The following APBB1IP variants were observed in gnomAD, a reference collection of about 807,000 sequenced individuals.
APBB1IP encodes amyloid beta precursor protein binding family B member 1 interacting protein.
Under a neutral mutation model 64.9 loss-of-function variants are expected in APBB1IP, and 27 were observed. That is an observed-to-expected ratio of 0.42 (90% CI 0.31 to 0.57). APBB1IP has a LOEUF of 0.57. Among genes scored for constraint, APBB1IP ranks in the 20% least tolerant of loss-of-function variants. The pLI is 0.20. For synonymous variants in APBB1IP, 392 were observed against 331.0 expected (o/e 1.18, Z -2.00); for missense variants, 812 against 845.5 (o/e 0.96, Z 0.49).
chr10:26,540,852 C>T (rs1836688277), intron 10 of APBB1IP, among the ~76,000 whole-genome samples: 1 of 152,028 alleles, frequency 6.6e-6, no homozygotes, highest in Non-Finnish European at 1.5e-5. Context: ...GAAAGAAATC[C>T]TTTTTCTCAG....
intron 8 of APBB1IP, among the ~76,000 whole-genome samples, chr10:26,525,830 G>T (rs1013084715): frequency 6.6e-6 from 1 of 152,162 alleles, no homozygotes; most frequent in Non-Finnish European, 1.5e-5. Context: ...TGTGATTGCA[G>T]GACAAAACTG....
At chr10:26,474,427 G>T (rs778767169) in intron 2 of APBB1IP, among the ~76,000 whole-genome samples, 13 of 152,176 alleles carry the variant, frequency 8.5e-5, no homozygotes, top group East Asian at 1.9e-4. Context: ...CTAAGTAAAA[G>T]AATTTTACTA....
rs184710415 is a variant in APBB1IP, at chr10:26,558,768, C to T, written c.1156-1337C>T. On this transcript the variant is annotated intron_variant, in intron 11 of 14. Transcript: ENST00000376236. ...CTCCAACCTGGGCAACAGAGTGAGA[C>T]CCTGTCTTAAAAAATAATAAAAATT... Among the ~76,000 whole-genome samples the T allele has an allele frequency of 2.1e-3, 312 of 152,170 alleles. 4 individuals are homozygous for T. The highest frequency in any genetic ancestry group is 3.7e-3 in the Admixed American group (56 of 15,284).
intron 6 of APBB1IP, among the ~76,000 whole-genome samples, chr10:26,510,317 A>G (rs1836236508): frequency 6.6e-6 from 1 of 152,176 alleles, no homozygotes. Flanking sequence ...AAAGTCAAGG[A>G]TATTGTGTTT....
chr10:26,561,017 C>CT (rs1307739729), intron 13 of APBB1IP, among the ~76,000 whole-genome samples, 173 bp downstream of exon 13: 1 of 151,328 alleles, frequency 6.6e-6, no homozygotes, highest in Non-Finnish European at 1.5e-5. Context: ...ACACACACCC[C>CT]TATAACATCT....
chr10:26,566,642 T>G lies in APBB1IP; in HGVS notation c.1474-319T>G, dbSNP rs72481170. ...TTATTCCAGAACAAAGATGAGCTCA[T>G]GACCGACCAGGAGTCTCAGTGACTG... On this transcript the variant is annotated intron_variant, in intron 14 of 14. Transcript: ENST00000376236. Among the ~76,000 whole-genome samples the G allele has an allele frequency of 1.6e-4, 24 of 152,242 alleles. No individual in the cohort carries two copies. In the East Asian group the frequency reaches 4.6e-3, roughly 29 times the overall value.
chr10:26,465,916 C>T (rs578226534), intron 2 of APBB1IP, among the ~76,000 whole-genome samples: 1 of 152,318 alleles, frequency 6.6e-6, no homozygotes, highest in Admixed American at 6.5e-5. Flanking sequence ...TCAATTTCTG[C>T]TCAACGAACC....
intron 14 of APBB1IP, among the ~76,000 whole-genome samples, chr10:26,565,977 T>C (rs1020087772): frequency 6.6e-6 from 1 of 152,212 alleles, no homozygotes; most frequent in Non-Finnish European, 1.5e-5. Context: ...CCAGAGTTAG[T>C]TTTTAAAACT....
At chr10:26,503,425 G>GGAGATC (rs1836131136) in intron 6 of APBB1IP, 151 bp downstream of exon 6, 3 of 662,942 alleles carry the variant, frequency 4.5e-6, no homozygotes, top group East Asian at 6.3e-5. Flanking sequence ...CATGAGGTCA[G>GGAGATC]GAGATCGAGA....
intron 2 of APBB1IP, among the ~76,000 whole-genome samples, chr10:26,469,938 C>A (rs703003): frequency 0.2 from 30,098 of 152,004 alleles, 3,844 homozygotes; most frequent in East Asian, 0.49. Context: ...TTTATTTCAA[C>A]TCATGATCTC....
chr10:26,480,603 G>A (rs1465698175), intron 2 of APBB1IP, among the ~76,000 whole-genome samples: 1 of 149,094 alleles, frequency 6.7e-6, no homozygotes, highest in Non-Finnish European at 1.5e-5. Context: ...TTTAATATTG[G>A]AATGGTTGAG....
chr10:26,470,976 A>G (rs1311903964), intron 2 of APBB1IP, among the ~76,000 whole-genome samples: 1 of 152,206 alleles, frequency 6.6e-6, no homozygotes, highest in Non-Finnish European at 1.5e-5. Flanking sequence ...AGCAACACTT[A>G]CTGAACTTTC....
At chr10:26,529,119 G>C (rs1353530090) in intron 8 of APBB1IP, among the ~76,000 whole-genome samples, 2 of 152,224 alleles carry the variant, frequency 1.3e-5, no homozygotes, top group Non-Finnish European at 2.9e-5. Context: ...TGAGAAAAGA[G>C]AGCAAGCTAT....
At position 26,533,307 on chromosome 10, in the gene APBB1IP, G is replaced by A. The variant is rs140645575; in HGVS notation, c.814-132G>A. 8.2e-5 allele frequency: 39 copies of A among 477,478 alleles called. No individual in the cohort carries two copies. The East Asian group carries it at 1.3e-3, about 16-fold the overall frequency. 29.6% of individuals were successfully genotyped at this position (477,478 alleles called of 1,614,324 possible). A position where few individuals can be genotyped will look rare whatever the true frequency, so the allele number is the denominator to read the frequency against. ...TTTGGGAAGGCTCTGATGGTTGACT[G>A]ATATCATATGCTCTGGTTCCCTGTT... On this transcript the variant is annotated intron_variant, in intron 8 of 14. Transcript: ENST00000376236.
At chr10:26,473,177 T>C (rs556119092) in intron 2 of APBB1IP, among the ~76,000 whole-genome samples, 50 of 152,206 alleles carry the variant, frequency 3.3e-4, no homozygotes, top group Non-Finnish European at 5.9e-4. Context: ...AAAAATGTCA[T>C]GAATGTTTCT....
intron 12 of APBB1IP, 127 bp downstream of exon 12, chr10:26,560,330 T>G (rs1344584053): frequency 3.6e-6 from 3 of 833,030 alleles, no homozygotes; most frequent in Non-Finnish European, 5.9e-6. Flanking sequence ...ATTATCAGGT[T>G]TATTCGCCCA....
intron 11 of APBB1IP, among the ~76,000 whole-genome samples, chr10:26,549,181 G>T (rs1208313434): frequency 6.6e-6 from 1 of 152,174 alleles, no homozygotes. Flanking sequence ...AATCCCACTT[G>T]ATCATGATGA....
intron 3 of APBB1IP, among the ~76,000 whole-genome samples, chr10:26,495,371 G>C (rs1326883764): frequency 9.2e-6 from 1 of 108,446 alleles, no homozygotes; most frequent in African/African-American, 3.6e-5. Context: ...AACGTGTGTG[G>C]TCTCTCTGTA....
At chr10:26,446,867 T>C (rs186196233) in intron 2 of APBB1IP, among the ~76,000 whole-genome samples, 5 of 127,220 alleles carry the variant, frequency 3.9e-5, no homozygotes, top group African/African-American at 9.1e-5. Flanking sequence ...GATAGATAGA[T>C]AGATAGAGAG....
Sources: allele counts gnomAD v4.1 joint callset (sites outside exome capture counted in the v4.1 genomes callset), GRCh38; gene constraint gnomAD v4.1.1; transcripts MANE v1.5; gene names NCBI Gene and HGNC (gene_info 2026-07-23, HGNC 2026-07-21).